SPECC1: variants seen among roughly 807,000 people sequenced by gnomAD.
SPECC1 encodes the protein sperm antigen with calponin homology and coiled-coil domains 1, also known as cytospin-B.
In SPECC1, 62 loss-of-function variants were observed where a neutral mutation model predicts 104.1. That is an observed-to-expected ratio of 0.60 (90% CI 0.49 to 0.74). The LOEUF is 0.74. Ranked by LOEUF, SPECC1 falls within the 30% of genes least tolerant of loss-of-function variation. The pLI, the probability that SPECC1 is intolerant of heterozygous loss-of-function variation, is 0.00. For synonymous variants in SPECC1, 513 were observed against 501.6 expected, an observed-to-expected ratio of 1.02 and a Z score of -0.30; for missense variants, 1,306 against 1,310.5, an observed-to-expected ratio of 1.00 and a Z score of 0.05.
At chr17:20,195,118 A>G (rs573289169) in intron 3 of SPECC1, among the ~76,000 whole-genome samples, 2 of 152,328 alleles carry the variant, frequency 1.3e-5, no homozygotes, top group African/African-American at 2.4e-5. Context: ...TCATCTCTCC[A>G]TGAGAGTCCT....
chr17:20,061,683 C>T (rs1260602907), intron 1 of SPECC1, among the ~76,000 whole-genome samples: 2 of 152,186 alleles, frequency 1.3e-5, no homozygotes, highest in Non-Finnish European at 2.9e-5. Context: ...TTAAGTTATT[C>T]TCCTTACCAA....
chr17:20,049,459 G>A (rs543230241), intron 1 of SPECC1, among the ~76,000 whole-genome samples: 44 of 152,240 alleles, frequency 2.9e-4, no homozygotes, highest in African/African-American at 4.1e-4. Flanking sequence ...CTTATGTGCC[G>A]AAGAGCCATT....
chr17:20,209,502 A>G (rs900277963), intron 4 of SPECC1, among the ~76,000 whole-genome samples: 1 of 152,198 alleles, frequency 6.6e-6, no homozygotes, highest in Non-Finnish European at 1.5e-5. Flanking sequence ...GTCTTCCTCA[A>G]ACAATAAATG....
Position 20,067,317 on chromosome 17 carries a change from GTAT to G in SPECC1, c.-21-29312_-21-29310del, listed in dbSNP as rs2046393312. On this transcript the variant is annotated intron_variant, in intron 1 of 14. Coordinates refer to ENST00000395527, the MANE Select transcript of SPECC1 (RefSeq NM_001243439.2). ...ACACCACCACGCCCAGCTGATTTTTGTATTTAGTAGAGACAGGATTTCACCATG... is the reference window on the plus strand; with the variant it reads ...ACACCACCACGCCCAGCTGATTTTTGTTAGTAGAGACAGGATTTCACCATG... The G allele has an allele frequency of 3.9e-5, 6 of 151,934 alleles. No individual in the cohort carries two copies. The South Asian group carries it at 1.3e-3, about 32-fold the overall frequency. The allele number at this position is 151,934 out of a possible 1,614,324, so 9.4% of individuals were successfully genotyped here.
chr17:20,125,180 A>AC (rs1555611259), intron 3 of SPECC1, among the ~76,000 whole-genome samples: 1 of 133,848 alleles, frequency 7.5e-6, no homozygotes, highest in Non-Finnish European at 1.6e-5. Context: ...ACTCCATCTC[A>AC]AAAAACAAAA....
chr17:20,316,350 T>C lies in SPECC1; in HGVS notation c.*2285T>C, dbSNP rs1300559347. On this transcript the variant is annotated 3_prime_UTR_variant, in exon 15 of 15. Transcript: ENST00000395527. ...GAGTGGGAGTGGGTGTTTTCTGTGATTGGTTCTGTTTTTTATTTTTACTTA... is the reference window on the plus strand; with the variant it reads ...GAGTGGGAGTGGGTGTTTTCTGTGACTGGTTCTGTTTTTTATTTTTACTTA... The C allele has an allele frequency of 4.9e-5, 11 of 226,116 alleles. No homozygotes were observed. The highest frequency in any genetic ancestry group is 1.8e-4 in the African/African-American group (8 of 44,890). The allele number at this position is 226,116 out of a possible 1,614,324, so 14.0% of individuals were successfully genotyped here. A position where few individuals can be genotyped will look rare whatever the true frequency, so the allele number is the denominator to read the frequency against.
intron 9 of SPECC1, among the ~76,000 whole-genome samples, chr17:20,252,454 C>G (rs1268452748): frequency 6.6e-6 from 1 of 152,084 alleles, no homozygotes; most frequent in Non-Finnish European, 1.5e-5. Context: ...TTGTTGCCAT[C>G]TTTCTGTCCT....
intron 3 of SPECC1, among the ~76,000 whole-genome samples, chr17:20,192,909 G>C (rs1369566536): frequency 6.6e-6 from 1 of 152,126 alleles, no homozygotes; most frequent in Non-Finnish European, 1.5e-5. Context: ...CCTTAAGAGA[G>C]GATTCTTGGA....
At chr17:20,184,181 C>G (rs1355467960) in intron 3 of SPECC1, among the ~76,000 whole-genome samples, 7 of 44,228 alleles carry the variant, frequency 1.6e-4, no homozygotes, top group Non-Finnish European at 3.0e-4. Flanking sequence ...ACTCCTGTCT[C>G]AAAAAAAAAA....
At chr17:20,233,451 TA>T (rs1377075001) in intron 7 of SPECC1, among the ~76,000 whole-genome samples, 1 of 152,232 alleles carries the variant, frequency 6.6e-6, no homozygotes, top group African/African-American at 2.4e-5. Flanking sequence ...AACTTTTACA[TA>T]AAATGGCCTT....
chr17:20,265,709 G>A (rs1329421071), intron 12 of SPECC1, among the ~76,000 whole-genome samples: 2 of 152,232 alleles, frequency 1.3e-5, no homozygotes, highest in East Asian at 3.9e-4. Flanking sequence ...TTTCTTCTAG[G>A]ATTTTTATAG....
chr17:20,259,919 T>C (rs1372692408), intron 11 of SPECC1, among the ~76,000 whole-genome samples: 1 of 152,172 alleles, frequency 6.6e-6, no homozygotes, highest in Non-Finnish European at 1.5e-5. Context: ...AGTAAACAAA[T>C]GAAAGACTAG....
intron 3 of SPECC1, among the ~76,000 whole-genome samples, chr17:20,200,358 AT>A (rs574936612): frequency 2.6e-5 from 4 of 152,232 alleles, no homozygotes; most frequent in Non-Finnish European, 4.4e-5. Flanking sequence ...CATTTAAAAA[AT>A]GTCACACTTC....
rs141537479 is a variant in SPECC1 at position 20,151,469 on chromosome 17, C to T, written c.283+40907C>T. ...TTCAGTTTACAATGGGTTATTGGGA[C>T]GTAACCCATCATAAGTTGAGGAGTG... On this transcript the variant is annotated intron_variant, in intron 3 of 14. Coordinates refer to ENST00000395527, the MANE Select transcript of SPECC1 (RefSeq NM_001243439.2). Among the ~76,000 whole-genome samples, 171 of 152,300 alleles carry T rather than the reference C, an allele frequency of 1.1e-3. 2 individuals carry two copies. Among genetic ancestry groups the T allele is most frequent in the Admixed American group, 1.2e-3 (18 of 15,302 alleles).
chr17:20,285,045 C>G (rs150688566), intron 12 of SPECC1, among the ~76,000 whole-genome samples: 2 of 152,172 alleles, frequency 1.3e-5, no homozygotes, highest in African/African-American at 4.8e-5. Flanking sequence ...GCTGTGTCCT[C>G]GATTGAATTT....
chr17:20,143,766 C>A (rs1309414281), intron 3 of SPECC1, among the ~76,000 whole-genome samples: 1 of 152,152 alleles, frequency 6.6e-6, no homozygotes, highest in Non-Finnish European at 1.5e-5. Context: ...AGTACAGGTT[C>A]AGAGTAGGGG....
chr17:20,207,202 A>G (rs1212042458), intron 4 of SPECC1, among the ~76,000 whole-genome samples: 6 of 152,222 alleles, frequency 3.9e-5, no homozygotes, highest in Non-Finnish European at 8.8e-5. Flanking sequence ...ATGAGCTCTC[A>G]GGGAGATTTT....
In SPECC1 at chr17:20,298,976, TAGAGAG is replaced by T. The variant is rs146031063; in HGVS notation, c.3057+1914_3057+1919del. 7.7e-5 allele frequency among the ~76,000 whole-genome samples: 6 copies of T among 77,426 alleles called. 1 individual carries two copies. The highest frequency in any genetic ancestry group is 5.2e-4 in the Admixed American group (4 of 7,712). The allele number at this position is 77,426 out of a possible 152,430, so 50.8% of individuals were successfully genotyped here. A position where few individuals can be genotyped will look rare whatever the true frequency, so the allele number is the denominator to read the frequency against. ...GTGTGTGTGTGTGTGTGTGTGTATG[TAGAGAG>T]AGAGAGAGAGAGAGGTGGGGGCTGG... On this transcript the variant is annotated intron_variant, in intron 13 of 14. Coordinates refer to ENST00000395527, the MANE Select transcript of SPECC1 (RefSeq NM_001243439.2).
At chr17:20,116,164 G>T (rs182567024) in intron 3 of SPECC1, among the ~76,000 whole-genome samples, 1 of 151,840 alleles carries the variant, frequency 6.6e-6, no homozygotes, top group Non-Finnish European at 1.5e-5. Flanking sequence ...CTTGGCTCAC[G>T]GCAAGCTCCG....
Sources: gnomAD v4.1 joint callset for allele counts (sites outside exome capture counted in the v4.1 genomes callset) on GRCh38, gnomAD v4.1.1 for gene constraint, MANE v1.5 for transcripts, NCBI Gene and HGNC (gene_info 2026-07-23, HGNC 2026-07-21) for gene names.